Variants in NEBL observed in about 807,000 individuals in gnomAD.
The protein encoded by NEBL is nebulette.
NEBL carries 122 observed loss-of-function variants against 140.2 expected under a neutral mutation model. The observed-to-expected ratio is 0.87, with a 90% CI of 0.75 to 1.01. NEBL has a LOEUF of 1.01. Among genes scored for constraint, NEBL ranks in the 50% least tolerant of loss-of-function variants. The pLI is 0.00. For synonymous variants in NEBL, 436 were observed against 398.9 expected (o/e 1.09, Z -1.11); for missense variants, 1,365 against 1,231.3 (o/e 1.11, Z -1.62).
intron 20 of NEBL, 42 bp downstream of exon 20, chr10:20,819,382 G>A (rs1460031121): frequency 1.2e-6 from 2 of 1,609,332 alleles, no homozygotes; most frequent in Non-Finnish European, 1.7e-6. Flanking sequence ...ATAAAAATAT[G>A]TTATGTTTGA....
chr10:20,970,997 A>G lies in NEBL; in HGVS notation c.250-9218T>C, dbSNP rs559218237. 1.2e-4 allele frequency among the ~76,000 whole-genome samples: 19 copies of G among 152,386 alleles called. No homozygotes were observed. In the South Asian group the frequency reaches 3.9e-3, roughly 32 times the overall value. On this transcript the variant is annotated intron_variant, in intron 3 of 6. Transcript: ENST00000417816. ...TAGTATAGGATGCCAAAAGATTTGC[A>G]TAACCTAAAATTAGTTAATTTATTA...
intron 2 of NEBL, among the ~76,000 whole-genome samples, chr10:21,120,374 C>CAAAAAAAAAAAAAAAAAA (rs1157067083): frequency 2.1e-5 from 1 of 48,400 alleles, no homozygotes; most frequent in African/African-American, 9.2e-5. Context: ...GACTGTGTCT[C>CAAAAAAAAAAAAAAAAAA]AAAAAAAAAA....
At chr10:20,987,243 G>C (rs188672365) in intron 3 of NEBL, among the ~76,000 whole-genome samples, 1 of 150,040 alleles carries the variant, frequency 6.7e-6, no homozygotes, top group Non-Finnish European at 1.5e-5. Context: ...ACCAAACCCT[G>C]AGTGGGTATT....
chr10:21,047,504 C>T (rs564383803), intron 2 of NEBL, among the ~76,000 whole-genome samples: 18 of 151,780 alleles, frequency 1.2e-4, no homozygotes, highest in Non-Finnish European at 1.8e-4. Flanking sequence ...TAGATCACCT[C>T]ATATTTAAAA....
At chr10:21,019,706 G>A (rs1472954186) in intron 3 of NEBL, among the ~76,000 whole-genome samples, 1 of 152,180 alleles carries the variant, frequency 6.6e-6, no homozygotes, top group Non-Finnish European at 1.5e-5. Context: ...AAAGCCCTTG[G>A]CTGGTGTGAG....
intron 5 of NEBL, among the ~76,000 whole-genome samples, chr10:20,878,362 T>A (rs900973661): frequency 6.6e-6 from 1 of 152,240 alleles, no homozygotes; most frequent in Admixed American, 6.5e-5. Flanking sequence ...AATGACACAC[T>A]TTTATTTTAA....
rs560834059 is a variant in NEBL at position 20,937,757 on chromosome 10, C to T, written c.357+23915G>A. Among the ~76,000 whole-genome samples, 53 of 152,250 alleles carry T rather than the reference C, an allele frequency of 3.5e-4. No homozygotes were observed. The South Asian group carries it at 9.9e-3, about 29-fold the overall frequency. On this transcript the variant is annotated intron_variant, in intron 4 of 6. Coordinates refer to the NEBL transcript ENST00000417816. ...CTCCCACCCTAATACAGCACTTTTCCGACGGTTTTAGCAAACGGCACACCA... is the reference window on the plus strand; with the variant it reads ...CTCCCACCCTAATACAGCACTTTTCTGACGGTTTTAGCAAACGGCACACCA...
In NEBL at chr10:21,020,012, G is replaced by A. The variant is rs574031016; in HGVS notation, c.249+105C>T. Reference sequence around the variant, plus strand: ...CAGGCCTGCTTTCAGCCTCCACACCGGCTGGTGACCCAGCAGGAACAGTAC... The same window carrying A: ...CAGGCCTGCTTTCAGCCTCCACACCAGCTGGTGACCCAGCAGGAACAGTAC... On this transcript the variant is annotated intron_variant, in intron 3 of 6. Coordinates refer to the NEBL transcript ENST00000417816. 1.0e-3 allele frequency: 1,041 copies of A among 993,838 alleles called. 4 individuals carry two copies. Among genetic ancestry groups the A allele is most frequent in the Middle Eastern group, 2.9e-3 (14 of 4,858 alleles). 61.6% of individuals were successfully genotyped at this position (993,838 alleles called of 1,614,324 possible).
chr10:21,023,654 C>T (rs574515127), intron 2 of NEBL, among the ~76,000 whole-genome samples: 12 of 152,092 alleles, frequency 7.9e-5, no homozygotes, highest in Admixed American at 6.5e-5. Flanking sequence ...GAGATTGTGC[C>T]ACTGCACTCC....
rs869025491 is a variant in NEBL, at chr10:20,808,655, C to T, written c.2616G>A (p.Lys872=). The T allele has an allele frequency of 3.7e-6, 6 of 1,612,382 alleles. No individual in the cohort carries two copies. The highest frequency in any genetic ancestry group is 5.1e-6 in the Non-Finnish European group (6 of 1,178,624). The change falls in exon 26 of 28, where the codon AAG becomes AAA. Residue 872 remains lysine, a synonymous_variant. Coordinates refer to ENST00000377122, the MANE Select transcript of NEBL (RefSeq NM_006393.3). ...QSRSLHMLSE[K]ASHYRRHWSR... is the part of the protein sequence containing the mutation. Reference sequence around the variant, plus strand: ...ACCAGTGTCGCCTATAGTGACTCGCCTTTTCTATATTGGAGGGAAAATATT... The same window carrying T: ...ACCAGTGTCGCCTATAGTGACTCGCTTTTTCTATATTGGAGGGAAAATATT...
At chr10:20,864,944 G>A (rs1169670506) in intron 7 of NEBL, among the ~76,000 whole-genome samples, 1 of 152,052 alleles carries the variant, frequency 6.6e-6, no homozygotes, top group Non-Finnish European at 1.5e-5. Context: ...TAGCTATAAT[G>A]TAAGTTAAAA....
intron 14 of NEBL, among the ~76,000 whole-genome samples, chr10:20,833,368 C>T (rs1254610820): frequency 1.3e-5 from 2 of 151,730 alleles, no homozygotes; most frequent in Non-Finnish European, 2.9e-5. Context: ...GAAAAATAAA[C>T]TTTTGATATT....
intron 3 of NEBL, among the ~76,000 whole-genome samples, chr10:21,185,141 G>A (rs1252717255): frequency 6.6e-6 from 1 of 152,170 alleles, no homozygotes; most frequent in Non-Finnish European, 1.5e-5. Flanking sequence ...GGAACCAAGA[G>A]AAAGTAATGA....
chr10:21,122,273 A>T (rs958955966), intron 2 of NEBL, among the ~76,000 whole-genome samples: 4 of 151,666 alleles, frequency 2.6e-5, no homozygotes, highest in African/African-American at 9.7e-5. Flanking sequence ...TGATTCGCCC[A>T]CCTCAGCCTC....
At chr10:20,791,620 C>T (rs369128417) in intron 26 of NEBL, among the ~76,000 whole-genome samples, 182 of 152,104 alleles carry the variant, frequency 1.2e-3, no homozygotes, top group African/African-American at 4.1e-3. Flanking sequence ...GTCTCAAATT[C>T]CCAGTCTCAA....
At chr10:21,251,073 C>A (rs72793017) in intron 2 of NEBL, among the ~76,000 whole-genome samples, 206 of 152,170 alleles carry the variant, frequency 1.4e-3, no homozygotes, top group Non-Finnish European at 2.2e-3. Flanking sequence ...TTAGTATAAT[C>A]ATTTTCTCAT....
At chr10:20,854,022 T>C (rs1842804836) in intron 9 of NEBL, among the ~76,000 whole-genome samples, 1 of 152,166 alleles carries the variant, frequency 6.6e-6, no homozygotes. Flanking sequence ...ACAACCATTA[T>C]GTATCAATAA....
At chr10:20,963,346 A>AGG (rs1836147391) in intron 3 of NEBL, among the ~76,000 whole-genome samples, 1 of 152,114 alleles carries the variant, frequency 6.6e-6, no homozygotes, top group Non-Finnish European at 1.5e-5. Context: ...AAAATAATAA[A>AGG]AGTTAAAAGG....
At chr10:21,155,582 G>A (rs535881526) in intron 2 of NEBL, among the ~76,000 whole-genome samples, 5 of 152,146 alleles carry the variant, frequency 3.3e-5, no homozygotes, top group Admixed American at 1.3e-4. Context: ...TAAGTACTTC[G>A]GAAATCTTGA....
Sources: gnomAD v4.1 joint callset for allele counts (sites outside exome capture counted in the v4.1 genomes callset) on GRCh38, gnomAD v4.1.1 for gene constraint, MANE v1.5 for transcripts, NCBI Gene and HGNC (gene_info 2026-07-23, HGNC 2026-07-21) for gene names.